NCAPH2: variants seen among roughly 807,000 people sequenced by gnomAD.
NCAPH2 encodes the protein condensin-2 complex subunit H2.
NCAPH2 carries 56 observed loss-of-function variants against 88.6 expected under a neutral mutation model. That is an observed-to-expected ratio of 0.63 (90% CI 0.51 to 0.79). The LOEUF is 0.79. NCAPH2 is among the 30% of genes least tolerant of loss of function. NCAPH2 has a pLI of 0.00. For synonymous variants in NCAPH2, 378 were observed against 313.6 expected, an observed-to-expected ratio of 1.21 and a Z score of -2.17; for missense variants, 794 against 792.0, an observed-to-expected ratio of 1.00 and a Z score of -0.03.
chr22:50,512,033 A>G (rs1322265748), intron 1 of NCAPH2, among the ~76,000 whole-genome samples: 1 of 152,034 alleles, frequency 6.6e-6, no homozygotes, highest in East Asian at 1.9e-4. Context: ...TGATCCGCCC[A>G]CCTCATCCTT....
intron 10 of NCAPH2, among the ~76,000 whole-genome samples, chr22:50,521,308 C>A (rs1438639093): frequency 1.3e-5 from 2 of 152,098 alleles, no homozygotes; most frequent in East Asian, 1.9e-4. Context: ...GGCTGTGCAC[C>A]CCCTACTCCT....
chr22:50,520,668 C>T, intron 9 of NCAPH2: 2 of 278,628 alleles, frequency 7.2e-6, no homozygotes, highest in Non-Finnish European at 6.8e-6. Context: ...AAGCGATTCT[C>T]CTGCCTCGGC....
Position 50,523,950 on chromosome 22 carries a change from C to A in NCAPH2, c.*575C>A, listed in dbSNP as rs749342893. 6.2e-7 allele frequency: 1 copy of A among 1,612,486 alleles called. No homozygotes were observed. Among genetic ancestry groups the A allele is most frequent in the Admixed American group, 1.7e-5 (1 of 60,014 alleles). ...CAGGCTGCACTGGAGGCAAACCAGG[C>A]TCTGCTTCCAGCTGCCGCACCACCT... is the stretch of plus-strand genomic sequence containing the variant. On this transcript the variant is annotated 3_prime_UTR_variant, in exon 20 of 20. Coordinates refer to ENST00000420993, the MANE Select transcript of NCAPH2 (RefSeq NM_152299.4).
At chr22:50,511,238 C>G (rs577674388) in intron 1 of NCAPH2, among the ~76,000 whole-genome samples, 2 of 150,604 alleles carry the variant, frequency 1.3e-5, no homozygotes, top group Admixed American at 1.3e-4. Flanking sequence ...TCTCAGCTTG[C>G]TGCAGCCTCC....
chr22:50,516,649 T>C (rs1376733709), intron 2 of NCAPH2, 101 bp downstream of exon 2: 6 of 985,972 alleles, frequency 6.1e-6, no homozygotes, highest in South Asian at 1.4e-5. Flanking sequence ...GTCTGTGACC[T>C]ACCTCCCTCT....
At position 50,517,578 on chromosome 22, in the gene NCAPH2, C is replaced by T. The variant is rs755043609; in HGVS notation, c.268C>T (p.Arg90Trp). Residue 90 changes from arginine (R) to tryptophan (W), a missense_variant and splice_region_variant, in exon 4 of 20, where the codon CGG (arginine) becomes TGG (tryptophan). By Grantham distance (101) the Arg-to-Trp change is moderately radical (BLOSUM62 -3). Transcript: ENST00000420993. ...CCACGGGATGTGCTTCTCTCTCAGG[C>T]GGGCCAAGCAGCTCTCTTCGGTGCA... ...QALDFISGKRRAKQLSSVQED... is the reference protein window; with the variant it reads ...QALDFISGKRWAKQLSSVQED... 29 of 1,613,914 alleles carry T rather than the reference C, an allele frequency of 1.8e-5. No individual in the cohort carries two copies. The highest frequency in any genetic ancestry group is 1.2e-4 in the Admixed American group (7 of 60,012).
Position 50,524,354 on chromosome 22 carries a change from G to T in NCAPH2, c.*979G>T. 6.2e-7 allele frequency: 1 copy of T among 1,602,022 alleles called. No homozygotes were observed. Among genetic ancestry groups the T allele is most frequent in the Admixed American group, 1.7e-5 (1 of 60,012 alleles). On this transcript the variant is annotated 3_prime_UTR_variant, in exon 20 of 20. Coordinates refer to ENST00000420993, the MANE Select transcript of NCAPH2 (RefSeq NM_152299.4). ...CCTCCCAGGGTCCCAGGGAGGACCC[G>T]AGGCTTGAGCTGAGAGAGCCTGTGC...
rs755885386 is a variant in NCAPH2, at chr22:50,517,989, C to T, written c.437C>T (p.Pro146Leu). 2.2e-5 allele frequency: 36 copies of T among 1,613,708 alleles called. No homozygotes were observed. Among genetic ancestry groups the T allele is most frequent in the Non-Finnish European group, 3.0e-5 (35 of 1,179,860 alleles). Residue 146 changes from proline to leucine, a missense_variant, in exon 6 of 20, where the codon CCC (proline) becomes CTC (leucine). Transcript: ENST00000420993. ...DQTPSEVLII[P>L]LLPMALVAPD... ...TCCATGCAGGAGGTCCTCATCATCC[C>T]CCTCCTGCCCATGGCCCTGGTGGCC... is the stretch of plus-strand genomic sequence containing the variant.
At chr22:50,520,719 C>T (rs112195779) in intron 9 of NCAPH2, 5,357 of 465,688 alleles carry the variant, frequency 0.012, 210 homozygotes, top group African/African-American at 0.088. Context: ...CCACCACACC[C>T]GGCTAATTTT....
At chr22:50,515,608 G>A (rs2068895306) in intron 1 of NCAPH2, 2 of 765,812 alleles carry the variant, frequency 2.6e-6, no homozygotes, top group Admixed American at 3.6e-5. Flanking sequence ...GTGTTAGCCA[G>A]GATGGTCTCG....
intron 8 of NCAPH2, 145 bp downstream of exon 8, chr22:50,518,877 C>T: frequency 1.2e-6 from 1 of 867,174 alleles, no homozygotes; most frequent in Non-Finnish European, 1.7e-6. Flanking sequence ...GAGGCCTCGC[C>T]CCGGGGAAGC....
chr22:50,517,159 AG>A (rs1213744797), intron 2 of NCAPH2, among the ~76,000 whole-genome samples: 1 of 152,262 alleles, frequency 6.6e-6, no homozygotes, highest in Non-Finnish European at 1.5e-5. Flanking sequence ...CAGTGCTGTC[AG>A]GGTCACACGT....
chr22:50,518,302 T>C (rs376724692), intron 7 of NCAPH2, 24 bp downstream of exon 7: 7 of 1,607,392 alleles, frequency 4.4e-6, no homozygotes, highest in Non-Finnish European at 5.9e-6. Flanking sequence ...TGCGGGGGGC[T>C]TGGTGGGAAG....
At chr22:50,511,082 G>T (rs938843213) in intron 1 of NCAPH2, among the ~76,000 whole-genome samples, 35 of 150,406 alleles carry the variant, frequency 2.3e-4, no homozygotes, top group African/African-American at 7.6e-4. Context: ...TCCTGACCTG[G>T]TGATCCGCCC....
rs775173963 is a variant in NCAPH2 at position 50,523,900 on chromosome 22, C to T, written c.*525C>T. On this transcript the variant is annotated 3_prime_UTR_variant, in exon 20 of 20. Coordinates refer to ENST00000420993, the MANE Select transcript of NCAPH2 (RefSeq NM_152299.4). ...GCGGGCCATGGCTTCAACGTCGTCCCGCTCGGGGTCCACAGTGATGAAGAC... is the reference window on the plus strand; with the variant it reads ...GCGGGCCATGGCTTCAACGTCGTCCTGCTCGGGGTCCACAGTGATGAAGAC... 6.3e-5 allele frequency: 101 copies of T among 1,613,682 alleles called. No homozygotes were observed. The highest frequency in any genetic ancestry group is 8.1e-5 in the Non-Finnish European group (95 of 1,179,976).
rs572291519 is a variant in NCAPH2 at position 50,520,850 on chromosome 22, A to G, written c.862-115A>G. Reference sequence around the variant, plus strand: ...AGTGCTGGGATTACAGGCATGAGCCACCACGCCCGACCCTTGTAGGGTTCT... The same window carrying G: ...AGTGCTGGGATTACAGGCATGAGCCGCCACGCCCGACCCTTGTAGGGTTCT... On this transcript the variant is annotated intron_variant, in intron 9 of 19. Coordinates refer to ENST00000420993, the MANE Select transcript of NCAPH2 (RefSeq NM_152299.4). The G allele has an allele frequency of 5.5e-5, 66 of 1,208,960 alleles. No individual in the cohort carries two copies. In the African/African-American group the frequency reaches 9.3e-4, roughly 17 times the overall value. The allele number at this position is 1,208,960 out of a possible 1,614,324, so 74.9% of individuals were successfully genotyped here. A position where few individuals can be genotyped will look rare whatever the true frequency, so the allele number is the denominator to read the frequency against.
At position 50,524,706 on chromosome 22, in the gene NCAPH2, GAAAGCAT is replaced by G; in HGVS notation, c.*1332_*1338del. On this transcript the variant is annotated 3_prime_UTR_variant, in exon 20 of 20. Coordinates refer to ENST00000420993, the MANE Select transcript of NCAPH2 (RefSeq NM_152299.4). ...CAGCAAGGTGAACCTCTTGCTGACG[GAAAGCAT>G]TCCAAGTGCATGCCTTGCCTGAACT... The G allele has an allele frequency of 1.6e-6, 1 of 635,538 alleles. No homozygotes were observed. The highest frequency in any genetic ancestry group is 3.0e-6 in the Non-Finnish European group (1 of 332,710). The allele number at this position is 635,538 out of a possible 1,614,324, so 39.4% of individuals were successfully genotyped here. A position where few individuals can be genotyped will look rare whatever the true frequency, so the allele number is the denominator to read the frequency against.
intron 1 of NCAPH2, among the ~76,000 whole-genome samples, chr22:50,513,590 C>G (rs2148658274): frequency 6.6e-6 from 1 of 152,364 alleles, no homozygotes; most frequent in Middle Eastern, 3.4e-3. Context: ...GAAAACCTGT[C>G]TCTGCTAAAA....
intron 1 of NCAPH2, among the ~76,000 whole-genome samples, chr22:50,514,167 G>A (rs149861935): frequency 6.6e-6 from 1 of 152,290 alleles, no homozygotes; most frequent in East Asian, 1.9e-4. Context: ...GCAGAGGAGG[G>A]CAGGCAGCTG....
Sources: gnomAD v4.1 joint callset for allele counts (sites outside exome capture counted in the v4.1 genomes callset) on GRCh38, gnomAD v4.1.1 for gene constraint, MANE v1.5 for transcripts, NCBI Gene and HGNC (gene_info 2026-07-23, HGNC 2026-07-21) for gene names.